P4HA3: variants seen among roughly 807,000 people sequenced by gnomAD.
P4HA3 encodes the protein prolyl 4-hydroxylase subunit alpha-3.
Under a neutral mutation model 66.7 loss-of-function variants are expected in P4HA3, and 60 were observed. The ratio of observed to expected loss-of-function variants is 0.90; its 90% CI spans 0.73 to 1.12. P4HA3 has a LOEUF of 1.12. Ranked by LOEUF, P4HA3 falls within the 50% of genes most tolerant of loss-of-function variation. The probability of loss-of-function intolerance (pLI) is 0.00; values close to 1 mark genes in which losing one functional copy is unlikely to be tolerated. For missense variants in P4HA3, 683 were observed against 685.8 expected (o/e 1.00, Z 0.05); for synonymous variants, 263 against 274.6 (o/e 0.96, Z 0.42).
intron 1 of P4HA3, among the ~76,000 whole-genome samples, chr11:74,304,696 A>G (rs1036366843): frequency 6.6e-6 from 1 of 152,212 alleles, no homozygotes; most frequent in Non-Finnish European, 1.5e-5. Flanking sequence ...GACAGGGTCC[A>G]GCTCTCAAAG....
intron 11 of P4HA3, 129 bp downstream of exon 11, chr11:74,269,522 TG>T: frequency 1.2e-6 from 1 of 860,838 alleles, no homozygotes. Flanking sequence ...TCTGTGATTC[TG>T]GGAATTGGGG....
intron 1 of P4HA3, among the ~76,000 whole-genome samples, chr11:74,305,748 C>CT (rs963722190): frequency 2.0e-5 from 3 of 152,078 alleles, no homozygotes; most frequent in African/African-American, 7.2e-5. Context: ...AAGAAAATAA[C>CT]TTTTTTTCTC....
chr11:74,282,865 G>T (rs573464623), intron 7 of P4HA3, among the ~76,000 whole-genome samples: 1 of 151,964 alleles, frequency 6.6e-6, no homozygotes, highest in Non-Finnish European at 1.5e-5. Context: ...AGGAGGAATA[G>T]GTAATTGTAT....
downstream of P4HA3, chr11:74,266,537 A>G (rs1859994644): frequency 6.1e-6 from 1 of 163,684 alleles, no homozygotes; most frequent in Admixed American, 5.6e-5. Context: ...TTTTTTTCAA[A>G]TATTTTCAAT....
intron 9 of P4HA3, among the ~76,000 whole-genome samples, chr11:74,275,101 G>A (rs1860351203): frequency 6.6e-6 from 1 of 152,046 alleles, no homozygotes; most frequent in Admixed American, 6.5e-5. Flanking sequence ...TATATGATTT[G>A]CAAATATTTT....
chr11:74,304,859 G>A (rs1381407465), intron 1 of P4HA3, among the ~76,000 whole-genome samples: 8 of 152,108 alleles, frequency 5.3e-5, no homozygotes, highest in African/African-American at 1.2e-4. Flanking sequence ...TAGTTTCATG[G>A]AAAACAATTT....
In P4HA3 at chr11:74,268,190, C is replaced by A; in HGVS notation, c.1519G>T (p.Asp507Tyr). The A allele has an allele frequency of 1.9e-6, 3 of 1,614,112 alleles. No homozygotes were observed. The highest frequency in any genetic ancestry group is 2.5e-6 in the Non-Finnish European group (3 of 1,179,982). ...NLHRSGEGDSDTLHAGCPVLV... is the reference protein window; with the variant it reads ...NLHRSGEGDSYTLHAGCPVLV... ...ACAGGACAGCCAGCATGAAGTGTGT[C>A]ACTGTCCCCTTCACCACTCCTGTGC... is the stretch of plus-strand genomic sequence containing the variant. The change falls in exon 12 of 13, where the codon GAC (aspartate) becomes TAC (tyrosine). Residue 507 changes from aspartate to tyrosine, a missense_variant. Asp to Tyr is a radical substitution (Grantham distance 160). Coordinates refer to ENST00000331597, the MANE Select transcript of P4HA3 (RefSeq NM_182904.5).
In P4HA3 at chr11:74,269,724, C is replaced by G; in HGVS notation, c.1399-4G>C. ...CTCCAGCTTCCACCGAGCTCAGCTACAAGACCAGAGGAAGAAGCCAGAGTT... is the reference window on the plus strand; with the variant it reads ...CTCCAGCTTCCACCGAGCTCAGCTAGAAGACCAGAGGAAGAAGCCAGAGTT... On this transcript the variant is annotated splice_polypyrimidine_tract_variant and splice_region_variant and intron_variant, in intron 10 of 12. Coordinates refer to ENST00000331597, the MANE Select transcript of P4HA3 (RefSeq NM_182904.5). The G allele has an allele frequency of 6.2e-7, 1 of 1,613,830 alleles. No homozygotes were observed. Among genetic ancestry groups the G allele is most frequent in the Non-Finnish European group, 8.5e-7 (1 of 1,179,830 alleles).
rs1013986032 is a variant in P4HA3 at position 74,267,246 on chromosome 11, G to C, written c.*2C>G. ...CTCCACCAGCTTCTCTCTGCCAACA[G>C]TTCAGTCTTCAGGGCTGGAGCTGCA... On this transcript the variant is annotated 3_prime_UTR_variant, in exon 13 of 13. Coordinates refer to ENST00000331597, the MANE Select transcript of P4HA3 (RefSeq NM_182904.5). 2.5e-6 allele frequency: 4 copies of C among 1,614,176 alleles called. No homozygotes were observed. Among genetic ancestry groups the C allele is most frequent in the East Asian group, 4.5e-5 (2 of 44,888 alleles).
At chr11:74,304,908 G>A (rs1861533370) in intron 1 of P4HA3, among the ~76,000 whole-genome samples, 1 of 152,236 alleles carries the variant, frequency 6.6e-6, no homozygotes, top group African/African-American at 2.4e-5. Context: ...GTTTCGGGAT[G>A]AAACTGTTCC....
chr11:74,308,164 C>T (rs1471078910), intron 1 of P4HA3, among the ~76,000 whole-genome samples: 1 of 152,016 alleles, frequency 6.6e-6, no homozygotes, highest in Non-Finnish European at 1.5e-5. Context: ...CATAAAATCA[C>T]CAGATTGGGA....
chr11:74,303,687 T>C (rs905265519), intron 2 of P4HA3, among the ~76,000 whole-genome samples: 3 of 151,870 alleles, frequency 2.0e-5, no homozygotes, highest in Admixed American at 1.3e-4. Context: ...ATTCAAGCAA[T>C]TCTCCTGCCT....
intron 15 of P4HA3, among the ~76,000 whole-genome samples, chr11:74,253,247 T>C (rs1859750921): frequency 6.6e-6 from 1 of 152,072 alleles, no homozygotes; most frequent in Non-Finnish European, 1.5e-5. Context: ...GAACCAACAA[T>C]AAAGACTTAA....
chr11:74,279,434 C>T lies in P4HA3; in HGVS notation c.1129G>A (p.Ala377Thr). 3 of 1,613,904 alleles carry T rather than the reference C, an allele frequency of 1.9e-6. No homozygotes were observed. The highest frequency in any genetic ancestry group is 2.5e-6 in the Non-Finnish European group (3 of 1,179,838). ...ACTTGTAACTGCTTCTCCCCTGATGCCACCACTGACCTCTGTAGCTGGTGG... is the reference window on the plus strand; with the variant it reads ...ACTTGTAACTGCTTCTCCCCTGATGTCACCACTGACCTCTGTAGCTGGTGG... ...AEPWLQRSVV[A>T]SGEKQLQVEY... The change falls in exon 8 of 13, where the codon GCA becomes ACA. Residue 377 changes from alanine (A) to threonine (T), a missense_variant. By Grantham distance (58) the Ala-to-Thr change is moderately conservative (BLOSUM62 0). Transcript: ENST00000331597.
At chr11:74,259,313 A>C (rs1007453201) in intron 15 of P4HA3, among the ~76,000 whole-genome samples, 1 of 152,210 alleles carries the variant, frequency 6.6e-6, no homozygotes. Flanking sequence ...CAGGAGGCAA[A>C]GGTTGCAGTG....
intron 3 of P4HA3, among the ~76,000 whole-genome samples, chr11:74,298,806 G>C (rs1861307228): frequency 6.6e-6 from 1 of 152,328 alleles, no homozygotes; most frequent in East Asian, 1.9e-4. Flanking sequence ...TGAGGGAATG[G>C]CAGCAACAGA....
At chr11:74,266,417 A>G (rs1859992581), downstream of P4HA3, among the ~76,000 whole-genome samples, 1 of 152,228 alleles carries the variant, frequency 6.6e-6, no homozygotes, top group Admixed American at 6.5e-5. Context: ...ACCTAACACA[A>G]TGTAAATGCT....
chr11:74,275,799 T>C (rs113283301), intron 9 of P4HA3, among the ~76,000 whole-genome samples: 6,050 of 152,252 alleles, frequency 0.04, 128 homozygotes, highest in Middle Eastern at 0.1. Flanking sequence ...CACTACTGGG[T>C]ATCTACCCAA....
At chr11:74,273,442 GCT>G (rs1316290645) in intron 10 of P4HA3, 101 bp downstream of exon 10, 17 of 1,050,488 alleles carry the variant, frequency 1.6e-5, no homozygotes, top group Non-Finnish European at 2.0e-5. Context: ...AGATTTTTGC[GCT>G]GAGTACCAGA....
Sources: allele counts gnomAD v4.1 joint callset (sites outside exome capture counted in the v4.1 genomes callset), GRCh38; gene constraint gnomAD v4.1.1; transcripts MANE v1.5; gene names NCBI Gene and HGNC (gene_info 2026-07-23, HGNC 2026-07-21).